The following NPHP3 variants were observed in gnomAD, a reference collection of about 807,000 sequenced individuals.
NPHP3 encodes nephrocystin-3.
In NPHP3, 123 loss-of-function variants were observed where a neutral mutation model predicts 171.9. The ratio of observed to expected loss-of-function variants is 0.72; its 90% CI spans 0.62 to 0.83. The LOEUF (loss-of-function observed/expected upper bound fraction) is 0.83. NPHP3 is among the 40% of genes least tolerant of loss of function. NPHP3 has a pLI of 0.00. For missense variants in NPHP3, 1,506 were observed against 1,591.9 expected, an observed-to-expected ratio of 0.95 and a Z score of 0.92; for synonymous variants, 558 against 579.2, an observed-to-expected ratio of 0.96 and a Z score of 0.52.
intron 12 of NPHP3, among the ~76,000 whole-genome samples, 163 bp from the exon 13 acceptor site, chr3:132,699,613 C>A (rs1939551152): frequency 6.6e-6 from 1 of 152,030 alleles, no homozygotes; most frequent in Non-Finnish European, 1.5e-5. Context: ...GAACAAGTAG[C>A]AAAACATTAT....
chr3:132,705,120 G>A (rs950950371), intron 8 of NPHP3, among the ~76,000 whole-genome samples: 4 of 152,208 alleles, frequency 2.6e-5, no homozygotes, highest in African/African-American at 9.6e-5. Context: ...TTCCCACTGC[G>A]CCCATTCTGT....
chr3:132,707,985 G>A, intron 7 of NPHP3, 116 bp downstream of exon 7: 1 of 977,912 alleles, frequency 1.0e-6, no homozygotes, highest in Non-Finnish European at 1.6e-6. Flanking sequence ...ATCTGTTCCA[G>A]CCACACTGGT....
chr3:132,682,356 C>T, intron 26 of NPHP3: 1 of 556,190 alleles, frequency 1.8e-6, no homozygotes, highest in Non-Finnish European at 3.2e-6. Context: ...TAGGTATTCT[C>T]TGCATCCTGA....
chr3:132,682,791 ATAATGG>A lies in NPHP3; in HGVS notation c.3718_3723del (p.Pro1240_Leu1241del). The stretch of plus-strand genomic sequence containing the variant: ...TCATAAATCTTTAATGCTCTTTCAT[ATAATGG>A]CAAAGCTTCAACGTGTTTTTTCTTA... On this transcript the variant is annotated inframe_deletion, in exon 26 of 27. Coordinates refer to ENST00000337331, the MANE Select transcript of NPHP3 (RefSeq NM_153240.5). 1 of 1,611,758 alleles carries A rather than the reference ATAATGG, an allele frequency of 6.2e-7. No individual in the cohort carries two copies.
chr3:132,716,976 T>G, intron 3 of NPHP3, 67 bp from the exon 4 acceptor site: 2 of 1,471,886 alleles, frequency 1.4e-6, no homozygotes, highest in Non-Finnish European at 1.9e-6. Context: ...TCATCACATA[T>G]ACCGAACAGG....
At chr3:132,721,868 T>G in intron 1 of NPHP3, 95 bp downstream of exon 1, 1 of 1,459,580 alleles carries the variant, frequency 6.9e-7, no homozygotes, top group South Asian at 1.2e-5. Context: ...ATGGGCAGTT[T>G]CCGCCGAACT....
At position 132,688,886 on chromosome 3, in the gene NPHP3, T is replaced by C. The variant is rs2107967753; in HGVS notation, c.2889A>G (p.Ile963Met). The change falls in exon 21 of 27, where the codon ATA becomes ATG. Residue 963 changes from isoleucine (I) to methionine (M), a missense_variant. Physicochemically the swap from Ile to Met is conservative, Grantham distance 10. This residue lies in a region of NPHP3 where 569 missense variants were observed against 648.1 expected (regional missense o/e 0.88). Coordinates refer to ENST00000337331, the MANE Select transcript of NPHP3 (RefSeq NM_153240.5). ...LKDLGLLSQA[I>M]VPLQRSLEIR... The stretch of plus-strand genomic sequence containing the variant: ...TCTCTAAAGACCTCTGCAAAGGTAC[T>C]ATGGCCTGGGGGGAAAAGGGGTGAA... The C allele has an allele frequency of 6.2e-7, 1 of 1,614,122 alleles. No homozygotes were observed. Among genetic ancestry groups the C allele is most frequent in the East Asian group, 2.2e-5 (1 of 44,890 alleles).
intron 7 of NPHP3, 122 bp downstream of exon 7, chr3:132,707,979 G>A: frequency 1.1e-6 from 1 of 926,728 alleles, no homozygotes. Context: ...TCACTTATCT[G>A]TTCCAGCCAC....
intron 15 of NPHP3, among the ~76,000 whole-genome samples, chr3:132,695,388 T>TCC (rs770891184): frequency 7.9e-5 from 12 of 152,008 alleles, no homozygotes; most frequent in Non-Finnish European, 1.3e-4. Context: ...AATAGGGGGG[T>TCC]ATGTTTTAAA....
chr3:132,713,273 T>C lies in NPHP3; in HGVS notation c.971A>G (p.Lys324Arg). The C allele has an allele frequency of 1.3e-6, 2 of 1,599,916 alleles. No homozygotes were observed. Among genetic ancestry groups the C allele is most frequent in the Non-Finnish European group, 1.7e-6 (2 of 1,172,832 alleles). ...MDLFLKDYSP[K>R]LKRMCETMGY... ...CATTGTCTCGCACATTCTCTTAAGTTTAGGTGAATAGTCCTAAAAACAAAT... is the reference window on the plus strand; with the variant it reads ...CATTGTCTCGCACATTCTCTTAAGTCTAGGTGAATAGTCCTAAAAACAAAT... Residue 324 changes from lysine to arginine, a missense_variant, in exon 6 of 27, where the codon AAA becomes AGA. Around this residue, in one of 3 missense-constraint regions of NPHP3, gnomAD observed 930 missense variants for 924.9 expected, o/e 1.01. Coordinates refer to ENST00000337331, the MANE Select transcript of NPHP3 (RefSeq NM_153240.5).
intron 12 of NPHP3, 35 bp downstream of exon 12, chr3:132,699,883 G>T: frequency 6.2e-7 from 1 of 1,606,992 alleles, no homozygotes; most frequent in South Asian, 1.1e-5. Flanking sequence ...ATCTCTTTCT[G>T]AGCATATCAA....
At chr3:132,685,462 TAA>T (rs1346678415) in intron 23 of NPHP3, 1 of 152,224 alleles carries the variant, frequency 6.6e-6, no homozygotes, top group Non-Finnish European at 1.5e-5. Context: ...ATTTTTTATA[TAA>T]GTTTCTGTAA....
At chr3:132,696,685 C>G (rs765394094) in intron 15 of NPHP3, 46 bp downstream of exon 15, 3 of 1,550,538 alleles carry the variant, frequency 1.9e-6, no homozygotes, top group Non-Finnish European at 8.9e-7. Flanking sequence ...GGGTCTGCAG[C>G]AAACACAAAA....
intron 19 of NPHP3, among the ~76,000 whole-genome samples, chr3:132,690,049 A>G (rs1468583099): frequency 6.6e-6 from 1 of 152,224 alleles, no homozygotes; most frequent in Non-Finnish European, 1.5e-5. Context: ...AACATATCAA[A>G]AGAGACAAAC....
intron 9 of NPHP3, among the ~76,000 whole-genome samples, chr3:132,702,979 A>G (rs1007270503): frequency 2.6e-5 from 4 of 152,184 alleles, no homozygotes; most frequent in African/African-American, 9.6e-5. Context: ...CAGATCTGCA[A>G]TCTACTCACT....
intron 4 of NPHP3, among the ~76,000 whole-genome samples, chr3:132,716,337 T>C (rs1940050593): frequency 6.6e-6 from 1 of 152,246 alleles, no homozygotes; most frequent in Non-Finnish European, 1.5e-5. Context: ...AGTGGATCTG[T>C]GGATATAGAA....
intron 12 of NPHP3, 48 bp downstream of exon 12, chr3:132,699,870 T>C (rs761410915): frequency 6.3e-7 from 1 of 1,593,156 alleles, no homozygotes; most frequent in Non-Finnish European, 8.6e-7. Flanking sequence ...TTACTGAATT[T>C]ACATCTCTTT....
Position 132,708,120 on chromosome 3 carries a change from T to C in NPHP3, c.1256A>G (p.Asn419Ser). The C allele has an allele frequency of 6.2e-7, 1 of 1,614,196 alleles. No individual in the cohort carries two copies. Among genetic ancestry groups the C allele is most frequent in the Non-Finnish European group, 8.5e-7 (1 of 1,180,020 alleles). Residue 419 changes from asparagine to serine, a missense_variant, in exon 7 of 27, where the codon AAC (asparagine) becomes AGC (serine). Physicochemically the swap from Asn to Ser is conservative, Grantham distance 46. This residue lies in a region of NPHP3 where 930 missense variants were observed against 924.9 expected (regional missense o/e 1.01). Coordinates refer to ENST00000337331, the MANE Select transcript of NPHP3 (RefSeq NM_153240.5). ...TTTTACCTTGGCTTTGCTGGTCTTG[T>C]TTAGATTAGAAACTTGATCAATCAA... ...QQLIDQVSNLNKTSKAKIIDH... is the reference protein window; with the variant it reads ...QQLIDQVSNLSKTSKAKIIDH...
chr3:132,689,522 T>TA (rs1419438346), intron 19 of NPHP3, among the ~76,000 whole-genome samples: 1 of 152,152 alleles, frequency 6.6e-6, no homozygotes, highest in African/African-American at 2.4e-5. Context: ...GCTGGTACTG[T>TA]AGGGGGATTA....
Sources: gnomAD v4.1 joint callset for allele counts (sites outside exome capture counted in the v4.1 genomes callset) on GRCh38, gnomAD v4.1.1 for gene constraint, gnomAD v4.1.1 regional missense constraint, MANE v1.5 for transcripts, NCBI Gene and HGNC (gene_info 2026-07-23, HGNC 2026-07-21) for gene names.